XKR3: variants seen among roughly 807,000 people sequenced by gnomAD.
The protein encoded by XKR3 is XK related 3.
Under a neutral mutation model 40.3 loss-of-function variants are expected in XKR3, and 27 were observed. The ratio of observed to expected loss-of-function variants is 0.67; its 90% CI spans 0.49 to 0.92. XKR3 has a LOEUF of 0.92. Ranked by LOEUF, XKR3 falls within the 40% of genes least tolerant of loss-of-function variation. XKR3 has a pLI of 0.00. For synonymous variants in XKR3, 193 were observed against 195.4 expected (o/e 0.99, Z 0.10); for missense variants, 472 against 537.6 (o/e 0.88, Z 1.21).
intron 3 of XKR3, among the ~76,000 whole-genome samples, chr22:16,789,317 G>T (rs1328116593): frequency 6.6e-6 from 1 of 152,052 alleles, no homozygotes; most frequent in African/African-American, 2.4e-5. Context: ...TCAAGTTTCA[G>T]TTTACAAAAT....
chr22:16,792,684 A>T (rs1355700749), intron 3 of XKR3, among the ~76,000 whole-genome samples: 1 of 152,230 alleles, frequency 6.6e-6, no homozygotes, highest in African/African-American at 2.4e-5. Flanking sequence ...ATATGCTAAA[A>T]ACTTCCCTTG....
chr22:16,799,725 T>C (rs1291908931), intron 3 of XKR3, 46 bp downstream of exon 3: 1 of 1,599,328 alleles, frequency 6.3e-7, no homozygotes, highest in East Asian at 2.2e-5. Flanking sequence ...ATTAGTACAC[T>C]TTATTGACCT....
intron 1 of XKR3, among the ~76,000 whole-genome samples, chr22:16,811,371 C>A (rs1425833260): frequency 6.6e-6 from 1 of 152,072 alleles, no homozygotes. Flanking sequence ...GGTGGTCCAC[C>A]CACCTTGGCC....
intron 3 of XKR3, among the ~76,000 whole-genome samples, chr22:16,791,384 AAAAG>A (rs2060115129): frequency 6.6e-6 from 1 of 152,078 alleles, no homozygotes; most frequent in African/African-American, 2.4e-5. Context: ...TGGTTATAGG[AAAAG>A]AAAGAATGAG....
chr22:16,804,956 A>C (rs1427578207), intron 2 of XKR3, among the ~76,000 whole-genome samples: 2 of 152,172 alleles, frequency 1.3e-5, no homozygotes, highest in East Asian at 1.9e-4. Flanking sequence ...ATCCCTTCAA[A>C]ATATTTTACA....
Position 16,807,780 on chromosome 22 carries a change from T to G in XKR3, c.294A>C (p.Ala98=), listed in dbSNP as rs751202038. 6 of 1,610,856 alleles carry G rather than the reference T, an allele frequency of 3.7e-6. No homozygotes were observed. ...AAAGAAGAATGTGCCAAAAAAGTAA[T>G]GCAGCCTTATTTCTCCTCAAGTCTT... ...FNKDLRRNKA[A]LLFWHILLLG... Residue 98 remains alanine, a synonymous_variant, in exon 2 of 4, where the codon GCA becomes GCC. Transcript: ENST00000684488.
chr22:16,807,973 G>C lies in XKR3; in HGVS notation c.101C>G (p.Pro34Arg), dbSNP rs1054251853. ...AACAGTTGAGAAGATAATGCTAAAA[G>C]GAAAGCTTAGATGGAGTCTCTGGCC... ...VLGQRLHLSF[P>R]FSIIFSTVLY... The change falls in exon 2 of 4, where the codon CCT becomes CGT. Residue 34 changes from proline to arginine, a missense_variant. Physicochemically the swap from Pro to Arg is moderately radical, Grantham distance 103 (BLOSUM62 -2). Coordinates refer to ENST00000684488, the MANE Select transcript of XKR3 (RefSeq NM_001386955.1). The C allele has an allele frequency of 3.7e-6, 6 of 1,613,846 alleles. No homozygotes were observed. Among genetic ancestry groups the C allele is most frequent in the Non-Finnish European group, 5.1e-6 (6 of 1,179,910 alleles).
intron 3 of XKR3, among the ~76,000 whole-genome samples, chr22:16,789,495 A>T (rs2060104743): frequency 2.0e-5 from 3 of 152,202 alleles, no homozygotes; most frequent in Admixed American, 6.5e-5. Flanking sequence ...GCATTCTGAA[A>T]ATTATGAAGT....
At chr22:16,815,927 C>G (rs1456195023) in intron 1 of XKR3, among the ~76,000 whole-genome samples, 3 of 151,560 alleles carry the variant, frequency 2.0e-5, no homozygotes, top group Admixed American at 6.6e-5. Flanking sequence ...TGCCTGTCAC[C>G]TCTTCTGTTA....
intron 3 of XKR3, among the ~76,000 whole-genome samples, chr22:16,791,371 G>T (rs1267680136): frequency 2.5e-4 from 38 of 151,754 alleles, no homozygotes; most frequent in African/African-American, 8.5e-4. Context: ...CCAGAGACTA[G>T]AGTGGTTATA....
intron 2 of XKR3, among the ~76,000 whole-genome samples, chr22:16,805,503 C>A (rs143106236): frequency 6.6e-6 from 1 of 152,158 alleles, no homozygotes; most frequent in Admixed American, 6.5e-5. Context: ...ACTCCCCAAA[C>A]TTATCTACAG....
chr22:16,818,636 G>A (rs1459029137), intron 1 of XKR3, among the ~76,000 whole-genome samples: 1 of 152,140 alleles, frequency 6.6e-6, no homozygotes, highest in East Asian at 1.9e-4. Flanking sequence ...CATGTACAGA[G>A]ACAAGCTTCT....
At chr22:16,811,708 T>TA (rs908815172) in intron 1 of XKR3, among the ~76,000 whole-genome samples, 5 of 152,120 alleles carry the variant, frequency 3.3e-5, no homozygotes, top group African/African-American at 9.6e-5. Context: ...ACTTTCTTAT[T>TA]AAAAAAATGA....
intron 3 of XKR3, among the ~76,000 whole-genome samples, chr22:16,785,628 G>A (rs1303962256): frequency 6.6e-6 from 1 of 152,104 alleles, no homozygotes. Context: ...ACTTTGGGAT[G>A]CTGAGGTGGG....
At chr22:16,786,245 A>G (rs2146138684) in intron 3 of XKR3, among the ~76,000 whole-genome samples, 1 of 26,274 alleles carries the variant, frequency 3.8e-5, no homozygotes, top group East Asian at 1.4e-3. Flanking sequence ...ACCTGTATCT[A>G]CAAAACGCGT....
At chr22:16,810,929 A>C (rs1401924364) in intron 1 of XKR3, among the ~76,000 whole-genome samples, 2 of 152,196 alleles carry the variant, frequency 1.3e-5, no homozygotes, top group African/African-American at 4.8e-5. Flanking sequence ...ATGCACCTGC[A>C]TATACATGAA....
intron 3 of XKR3, among the ~76,000 whole-genome samples, chr22:16,789,971 T>C (rs962223574): frequency 6.6e-6 from 1 of 151,918 alleles, no homozygotes; most frequent in Non-Finnish European, 1.5e-5. Context: ...ATACAAAAAA[T>C]AACTCAAATA....
At chr22:16,790,251 T>C (rs1431484973) in intron 3 of XKR3, among the ~76,000 whole-genome samples, 2 of 151,494 alleles carry the variant, frequency 1.3e-5, no homozygotes, top group Non-Finnish European at 2.9e-5. Context: ...CAAGGATTTT[T>C]TTTTTTTTTT....
chr22:16,804,203 T>C (rs752816319), intron 2 of XKR3, among the ~76,000 whole-genome samples: 78 of 152,226 alleles, frequency 5.1e-4, no homozygotes, highest in Non-Finnish European at 9.3e-4. Context: ...CAATATTTCA[T>C]GCCAAAAATG....
Sources: gnomAD v4.1 joint callset for allele counts (sites outside exome capture counted in the v4.1 genomes callset) on GRCh38, gnomAD v4.1.1 for gene constraint, MANE v1.5 for transcripts, NCBI Gene and HGNC (gene_info 2026-07-23, HGNC 2026-07-21) for gene names.